The following CHD7 variants were observed in gnomAD, a reference collection of about 807,000 sequenced individuals.
CHD7 encodes the protein ATP-dependent chromatin remodeler CHD7.
Under a neutral mutation model 307.3 loss-of-function variants are expected in CHD7, and 24 were observed. The ratio of observed to expected loss-of-function variants is 0.08; its 90% confidence interval spans 0.06 to 0.11. CHD7 has a LOEUF of 0.11. Ranked by LOEUF, CHD7 falls within the 10% of genes least tolerant of loss-of-function variation. The probability of loss-of-function intolerance (pLI) is 1.00; values close to 1 mark genes in which losing one functional copy is unlikely to be tolerated. For missense variants in CHD7, 3,106 were observed against 3,727.1 expected (o/e 0.83, Z 4.34); for synonymous variants, 1,363 against 1,349.9 (o/e 1.01, Z -0.21).
intron 2 of CHD7, among the ~76,000 whole-genome samples, chr8:60,756,098 G>A (rs1277526755): frequency 6.6e-6 from 1 of 152,202 alleles, no homozygotes; most frequent in East Asian, 1.9e-4. Context: ...TGAGGCTAGT[G>A]ACTTTCATAT....
intron 4 of CHD7, 115 bp downstream of exon 4, chr8:60,795,242 T>C: frequency 1.0e-6 from 1 of 999,330 alleles, no homozygotes; most frequent in Non-Finnish European, 1.5e-6. Context: ...TTGAGATGTC[T>C]TTATTGTAGT....
chr8:60,782,483 C>T (rs117902915), intron 3 of CHD7, among the ~76,000 whole-genome samples: 1 of 152,334 alleles, frequency 6.6e-6, no homozygotes, highest in Non-Finnish European at 1.5e-5. Flanking sequence ...ATAATCTAAA[C>T]AACTCCAAAT....
chr8:60,841,787 G>T (rs1472742002), intron 20 of CHD7, 33 bp downstream of exon 20: 1 of 1,607,790 alleles, frequency 6.2e-7, no homozygotes, highest in Non-Finnish European at 8.5e-7. Flanking sequence ...ACACCTATCT[G>T]ATCTAAACCA....
At chr8:60,694,967 C>G (rs1806393678) in intron 1 of CHD7, among the ~76,000 whole-genome samples, 1 of 152,114 alleles carries the variant, frequency 6.6e-6, no homozygotes, top group African/African-American at 2.4e-5. Context: ...GGCAAAAAGT[C>G]AGAGGCTGTT....
At chr8:60,789,704 T>C (rs1811675669) in intron 3 of CHD7, among the ~76,000 whole-genome samples, 1 of 152,244 alleles carries the variant, frequency 6.6e-6, no homozygotes, top group Non-Finnish European at 1.5e-5. Flanking sequence ...GCCGTTTGTA[T>C]CAAGCTTTGT....
chr8:60,811,629 A>C (rs929746640), intron 7 of CHD7, among the ~76,000 whole-genome samples: 2 of 152,206 alleles, frequency 1.3e-5, no homozygotes, highest in African/African-American at 4.8e-5. Context: ...ATAATGCTAC[A>C]ATATATATTC....
intron 2 of CHD7, among the ~76,000 whole-genome samples, chr8:60,759,133 G>A (rs928401401): frequency 5.9e-5 from 9 of 151,998 alleles, no homozygotes; most frequent in African/African-American, 1.7e-4. Flanking sequence ...AACACTGCTG[G>A]TTTAAAGGGA....
At chr8:60,850,419 T>G (rs1586440242) in intron 25 of CHD7, 74 bp from the exon 26 acceptor site, 1 of 1,528,244 alleles carries the variant, frequency 6.5e-7, no homozygotes. Flanking sequence ...GTTGTGGCAG[T>G]GCTGTGATTT....
chr8:60,817,330 T>C (rs2150740471), intron 8 of CHD7, among the ~76,000 whole-genome samples: 1 of 152,362 alleles, frequency 6.6e-6, no homozygotes, highest in African/African-American at 2.4e-5. Context: ...AAATAGTATC[T>C]GTTTAACAAC....
chr8:60,687,667 G>T (rs1243097535), intron 1 of CHD7, among the ~76,000 whole-genome samples: 1 of 152,216 alleles, frequency 6.6e-6, no homozygotes, highest in Non-Finnish European at 1.5e-5. Context: ...ATGACCGGCT[G>T]TTATTTCCAG....
chr8:60,708,808 C>G (rs1392992944), intron 1 of CHD7, among the ~76,000 whole-genome samples: 1 of 152,206 alleles, frequency 6.6e-6, no homozygotes, highest in Non-Finnish European at 1.5e-5. Context: ...TGACTCTTTT[C>G]AACCGAATGC....
intron 1 of CHD7, among the ~76,000 whole-genome samples, chr8:60,700,656 A>G (rs891474129): frequency 2.0e-5 from 3 of 152,200 alleles, no homozygotes; most frequent in African/African-American, 4.8e-5. Flanking sequence ...TGGTCTGTCA[A>G]CATGCAGCTT....
At chr8:60,734,436 G>A (rs948220430) in intron 1 of CHD7, among the ~76,000 whole-genome samples, 3 of 152,198 alleles carry the variant, frequency 2.0e-5, no homozygotes, top group South Asian at 2.1e-4. Context: ...GAATAGTAGC[G>A]TGCTTGGCAC....
At chr8:60,685,247 G>T (rs1264659402) in intron 1 of CHD7, among the ~76,000 whole-genome samples, 4 of 152,222 alleles carry the variant, frequency 2.6e-5, no homozygotes, top group Non-Finnish European at 5.9e-5. Context: ...TTAACCAAAA[G>T]ATATTGGACG....
At chr8:60,700,845 T>C (rs6471894) in intron 1 of CHD7, among the ~76,000 whole-genome samples, 124,940 of 152,202 alleles carry the variant, frequency 0.82, 51,611 homozygotes, top group East Asian at 0.94. Context: ...GTAAGTGCAA[T>C]GAGGACGATG....
intron 2 of CHD7, among the ~76,000 whole-genome samples, chr8:60,747,877 G>C (rs1445875931): frequency 6.6e-6 from 1 of 152,252 alleles, no homozygotes; most frequent in African/African-American, 2.4e-5. Context: ...TAGAGGCTCA[G>C]TGAGATTAGT....
At chr8:60,855,539 G>A (rs1471413718) in intron 32 of CHD7, among the ~76,000 whole-genome samples, 1 of 152,192 alleles carries the variant, frequency 6.6e-6, no homozygotes, top group African/African-American at 2.4e-5. Flanking sequence ...TACTTCCTGG[G>A]ACTGCAATCC....
At chr8:60,728,058 T>A (rs191356462) in intron 1 of CHD7, among the ~76,000 whole-genome samples, 1 of 152,368 alleles carries the variant, frequency 6.6e-6, no homozygotes, top group East Asian at 1.9e-4. Flanking sequence ...TCTTCCAGGC[T>A]CCAGTCTTGT....
rs561699792 is a variant in CHD7, at chr8:60,760,402, C to G, written c.1665+17305C>G. 4.1e-5 allele frequency among the ~76,000 whole-genome samples: 6 copies of G among 147,492 alleles called. No homozygotes were observed. The South Asian group carries it at 1.4e-3, about 33-fold the overall frequency. On this transcript the variant is annotated intron_variant, in intron 2 of 37. Transcript: ENST00000423902. The stretch of plus-strand genomic sequence containing the variant: ...AACCATAAAAACCCTAGAAGAAAAC[C>G]TAGGCATTACCATTCAGGACATAGG...
Sources: allele counts gnomAD v4.1 joint callset (sites outside exome capture counted in the v4.1 genomes callset), GRCh38; gene constraint gnomAD v4.1.1; transcripts MANE v1.5; gene names NCBI Gene and HGNC (gene_info 2026-07-23, HGNC 2026-07-21).